LINGO2: variants seen among roughly 807,000 people sequenced by gnomAD.
The protein encoded by LINGO2 is leucine rich repeat and Ig domain containing 2, also known as leucine-rich repeat and immunoglobulin-like domain-containing nogo receptor-interacting protein 2.
LINGO2 carries 14 observed loss-of-function variants against 30.6 expected under a neutral mutation model. The observed-to-expected ratio is 0.46, with a 90% CI of 0.30 to 0.72. The LOEUF (loss-of-function observed/expected upper bound fraction) is 0.72, where lower values mean the gene tolerates loss of function less well. Among genes scored for constraint, LINGO2 ranks in the 30% least tolerant of loss-of-function variants. The pLI is 0.07. For synonymous variants in LINGO2, 317 were observed against 288.5 expected (o/e 1.10, Z -1.00); for missense variants, 729 against 751.7 (o/e 0.97, Z 0.35).
intron 2 of LINGO2, among the ~76,000 whole-genome samples, chr9:28,423,449 A>G (rs1242934933): frequency 6.6e-6 from 1 of 152,134 alleles, no homozygotes; most frequent in African/African-American, 2.4e-5. Flanking sequence ...AAACTGAATT[A>G]TCAGTGAATG....
intron 4 of LINGO2, among the ~76,000 whole-genome samples, chr9:28,280,280 A>C (rs191911833): frequency 5.9e-5 from 9 of 152,192 alleles, no homozygotes; most frequent in Admixed American, 3.3e-4. Flanking sequence ...AAGATACATA[A>C]GAGTCCACAA....
the LINGO2 span, among the ~76,000 whole-genome samples, chr9:29,158,162 A>C: frequency 6.6e-6 from 1 of 151,620 alleles, no homozygotes; most frequent in African/African-American, 2.4e-5. Flanking sequence ...GCAACACAGC[A>C]AAACCCTGAC....
intron 5 of LINGO2, among the ~76,000 whole-genome samples, chr9:27,957,162 C>T (rs1819612922): frequency 6.6e-6 from 1 of 151,986 alleles, no homozygotes; most frequent in Non-Finnish European, 1.5e-5. Context: ...ACCTGGGGAC[C>T]TTTATCAAAA....
the LINGO2 span, among the ~76,000 whole-genome samples, chr9:28,949,206 C>T: frequency 6.6e-6 from 1 of 151,676 alleles, no homozygotes; most frequent in African/African-American, 2.4e-5. Context: ...AACTAAAGAA[C>T]CAAGAGCAAA....
the LINGO2 span, among the ~76,000 whole-genome samples, chr9:28,735,522 G>A: frequency 4.2e-4 from 64 of 151,896 alleles, no homozygotes; most frequent in Non-Finnish European, 3.2e-4. Flanking sequence ...CTTCTATTAT[G>A]GCTCAAATCA....
the LINGO2 span, among the ~76,000 whole-genome samples, chr9:28,741,453 A>G: frequency 6.6e-6 from 1 of 151,782 alleles, no homozygotes; most frequent in Non-Finnish European, 1.5e-5. Flanking sequence ...TGATGAAAAA[A>G]TCTTCAGTTG....
chr9:28,656,708 A>C (rs767411242), intron 1 of LINGO2, among the ~76,000 whole-genome samples: 3 of 152,126 alleles, frequency 2.0e-5, no homozygotes, highest in African/African-American at 7.2e-5. Flanking sequence ...ATTTGAAAAA[A>C]TGTCTACGCA....
intron 4 of LINGO2, among the ~76,000 whole-genome samples, chr9:28,023,022 CAG>C (rs534273428): frequency 7.9e-4 from 119 of 151,546 alleles, no homozygotes; most frequent in Non-Finnish European, 1.2e-3. Context: ...GATTCTTTCT[CAG>C]AGTTTTCCAT....
the LINGO2 span, among the ~76,000 whole-genome samples, chr9:28,871,629 A>G: frequency 6.6e-6 from 1 of 152,040 alleles, no homozygotes; most frequent in Non-Finnish European, 1.5e-5. Flanking sequence ...AATGATGCTT[A>G]CATTTGCATC....
chr9:28,249,066 C>A (rs1371912347), intron 4 of LINGO2, among the ~76,000 whole-genome samples: 8 of 151,994 alleles, frequency 5.3e-5, no homozygotes, highest in Non-Finnish European at 1.2e-4. Flanking sequence ...TGTGTAGAGT[C>A]CTATATTTAC....
the LINGO2 span, among the ~76,000 whole-genome samples, chr9:29,206,208 T>C: frequency 1.9e-4 from 29 of 152,218 alleles, no homozygotes; most frequent in African/African-American, 7.0e-4. Flanking sequence ...TGTGTGTACA[T>C]GATATATTGC....
rs560763209 is a variant in LINGO2, at chr9:28,259,751, T to C, written c.-87+35457A>G. Among the ~76,000 whole-genome samples the C allele has an allele frequency of 2.6e-5, 4 of 151,862 alleles. 1 individual carries two copies. Among genetic ancestry groups the C allele is most frequent in the African/African-American group, 9.7e-5 (4 of 41,436 alleles). On this transcript the variant is annotated intron_variant, in intron 4 of 5. Transcript: ENST00000379992. ...AATTGATCAAGAAGGGAAAGACTAGTGAGAGAAAAACTCAGAAAGGAACAC... is the reference window on the plus strand; with the variant it reads ...AATTGATCAAGAAGGGAAAGACTAGCGAGAGAAAAACTCAGAAAGGAACAC...
chr9:27,947,759 G>C (rs1823423677), downstream of LINGO2, among the ~76,000 whole-genome samples: 1 of 152,100 alleles, frequency 6.6e-6, no homozygotes, highest in African/African-American at 2.4e-5. Flanking sequence ...TATCACCCTG[G>C]TTTGTGTTGG....
intron 1 of LINGO2, among the ~76,000 whole-genome samples, chr9:28,633,037 A>G (rs1227524207): frequency 6.6e-6 from 1 of 151,488 alleles, no homozygotes; most frequent in African/African-American, 2.4e-5. Flanking sequence ...TGTGGAGTCC[A>G]GTGTTCAAGG....
At chr9:28,640,743 G>T (rs1438841841) in intron 1 of LINGO2, among the ~76,000 whole-genome samples, 50 of 151,918 alleles carry the variant, frequency 3.3e-4, no homozygotes, top group Non-Finnish European at 8.8e-5. Context: ...TTTATTCAAG[G>T]TTTTTAACTT....
the LINGO2 span, among the ~76,000 whole-genome samples, chr9:28,784,244 T>C: frequency 1.3e-5 from 2 of 152,208 alleles, no homozygotes; most frequent in African/African-American, 4.8e-5. Context: ...ATTTACCAAG[T>C]CCCTTTATGT....
intron 4 of LINGO2, among the ~76,000 whole-genome samples, chr9:28,223,674 CTA>C (rs1821044133): frequency 6.6e-6 from 1 of 152,092 alleles, no homozygotes; most frequent in South Asian, 2.1e-4. Flanking sequence ...AGAGCAAAAA[CTA>C]TGATAGTGGT....
At chr9:29,163,827 C>T in the LINGO2 span, among the ~76,000 whole-genome samples, 2 of 152,096 alleles carry the variant, frequency 1.3e-5, no homozygotes, top group African/African-American at 4.8e-5. Flanking sequence ...GTCATAGTTT[C>T]CAAAGGTGAA....
the LINGO2 span, among the ~76,000 whole-genome samples, chr9:28,943,273 A>G: frequency 6.6e-6 from 1 of 152,170 alleles, no homozygotes; most frequent in Non-Finnish European, 1.5e-5. Flanking sequence ...AGAACACTGC[A>G]TCCATAAGAC....
Sources: allele counts gnomAD v4.1 joint callset (sites outside exome capture counted in the v4.1 genomes callset), GRCh38; gene constraint gnomAD v4.1.1; transcripts MANE v1.5; gene names NCBI Gene and HGNC (gene_info 2026-07-23, HGNC 2026-07-21).